Variants in IFI44 observed in about 807,000 individuals in gnomAD.
IFI44 encodes the protein interferon induced protein 44.
In IFI44, 42 loss-of-function variants were observed where a neutral mutation model predicts 45.0. The ratio of observed to expected loss-of-function variants is 0.93; its 90% CI spans 0.73 to 1.21. The LOEUF is 1.21. Ranked by LOEUF, IFI44 falls within the 50% of genes most tolerant of loss-of-function variation. IFI44 has a pLI of 0.00. For missense variants in IFI44, 623 were observed against 525.8 expected (o/e 1.18, Z -1.81); for synonymous variants, 221 against 188.6 (o/e 1.17, Z -1.41).
chr1:78,655,035 T>G lies in IFI44; in HGVS notation c.516T>G (p.Ser172=). 6.2e-7 allele frequency: 1 copy of G among 1,613,034 alleles called. No individual in the cohort carries two copies. Among genetic ancestry groups the G allele is most frequent in the African/African-American group, 1.3e-5 (1 of 75,018 alleles). ...ACAGGCTCAGGAAGAGCTTACTGTCTGCCTTGAGAACTTATGAACCATATG... is the reference window on the plus strand; with the variant it reads ...ACAGGCTCAGGAAGAGCTTACTGTCGGCCTTGAGAACTTATGAACCATATG... ...GVIELRKSLL[S]ALRTYEPYGS... The change falls in exon 4 of 9, where the codon TCT becomes TCG. Residue 172 remains serine, a synonymous_variant. Coordinates refer to ENST00000370747, the MANE Select transcript of IFI44 (RefSeq NM_006417.5).
chr1:78,659,903 A>T lies in IFI44; in HGVS notation c.1012+420A>T, dbSNP rs558045126. On this transcript the variant is annotated intron_variant, in intron 6 of 8. Transcript: ENST00000370747. ...CCGAAAGGAAAAGAAACAGGAAGGTAAGATGTTTGTAGGGAGAGGTAAAGA... is the reference window on the plus strand; with the variant it reads ...CCGAAAGGAAAAGAAACAGGAAGGTTAGATGTTTGTAGGGAGAGGTAAAGA... Among the ~76,000 whole-genome samples the T allele has an allele frequency of 1.4e-3, 209 of 152,310 alleles. 3 individuals are homozygous for T. The highest frequency in any genetic ancestry group is 4.8e-3 in the African/African-American group (199 of 41,572).
chr1:78,661,973 T>C lies in IFI44; in HGVS notation c.1114-731T>C, dbSNP rs545419601. 1.6e-3 allele frequency among the ~76,000 whole-genome samples: 243 copies of C among 152,318 alleles called. 1 individual carries two copies. Among genetic ancestry groups the C allele is most frequent in the African/African-American group, 5.7e-3 (235 of 41,566 alleles). On this transcript the variant is annotated intron_variant, in intron 7 of 8. Transcript: ENST00000370747. ...GGCAAGGAACATTTGCATGAAGTAA[T>C]TTTATTTAATTAGGAGCATTATGAG...
In IFI44 at chr1:78,662,768, C is replaced by A. The variant is rs1264315115; in HGVS notation, c.1178C>A (p.Ser393Tyr). 3 of 1,566,556 alleles carry A rather than the reference C, an allele frequency of 1.9e-6. No individual in the cohort carries two copies. Among genetic ancestry groups the A allele is most frequent in the Non-Finnish European group, 8.7e-7 (1 of 1,155,344 alleles). ...GACATCTCGGTGGTTAGCAATTATTCCTCTGAGTGGGAGCTGGACCCTGTA... is the reference window on the plus strand; with the variant it reads ...GACATCTCGGTGGTTAGCAATTATTACTCTGAGTGGGAGCTGGACCCTGTA... ...LSDISVVSNY[S>Y]SEWELDPVKD... The change falls in exon 8 of 9, where the codon TCC becomes TAC. Residue 393 changes from serine to tyrosine, a missense_variant. Transcript: ENST00000370747.
Position 78,650,493 on chromosome 1 carries a change from C to G in IFI44, c.298C>G (p.Leu100Val), listed in dbSNP as rs1310122126. Reference sequence around the variant, plus strand: ...ACTAGGACTATGTACACCAGAAACACTGTTTTGTTGTGATGTTACAAAATA... The same window carrying G: ...ACTAGGACTATGTACACCAGAAACAGTGTTTTGTTGTGATGTTACAAAATA... Reference protein sequence around the residue: ...WKLGLCTPETLFCCDVTKYNS... With the variant: ...WKLGLCTPETVFCCDVTKYNS... The change falls in exon 2 of 9, where the codon CTG becomes GTG. Residue 100 changes from leucine to valine, a missense_variant. Physicochemically the swap from Leu to Val is conservative, Grantham distance 32. Coordinates refer to ENST00000370747, the MANE Select transcript of IFI44 (RefSeq NM_006417.5). 1.2e-6 allele frequency: 2 copies of G among 1,613,868 alleles called. No individual in the cohort carries two copies. The highest frequency in any genetic ancestry group is 1.7e-6 in the Non-Finnish European group (2 of 1,179,898).
intron 4 of IFI44, 65 bp from the exon 5 acceptor site, chr1:78,655,297 T>C (rs1045091359): frequency 3.2e-6 from 5 of 1,560,844 alleles, no homozygotes; most frequent in Non-Finnish European, 4.3e-6. Context: ...CTTTATTACA[T>C]ATAGACTTCA....
chr1:78,649,998 T>G lies in IFI44; in HGVS notation c.-11+93T>G, dbSNP rs111510713. The G allele has an allele frequency of 9.3e-4, 408 of 440,622 alleles. 12 individuals carry two copies. The South Asian group carries it at 0.012, about 13-fold the overall frequency. 27.3% of individuals were successfully genotyped at this position (440,622 alleles called of 1,614,324 possible). ...AGTGTCACTTGCCAATCTCAGTTTTTGTTTTAATTTAAAAAACAATAATTT... is the reference window on the plus strand; with the variant it reads ...AGTGTCACTTGCCAATCTCAGTTTTGGTTTTAATTTAAAAAACAATAATTT... On this transcript the variant is annotated intron_variant, in intron 1 of 8. Coordinates refer to ENST00000370747, the MANE Select transcript of IFI44 (RefSeq NM_006417.5).
In IFI44 at chr1:78,663,948, A is replaced by C. The variant is rs916990178; in HGVS notation, c.*137A>C. 1 of 612,570 alleles carries C rather than the reference A, an allele frequency of 1.6e-6. No individual in the cohort carries two copies. Among genetic ancestry groups the C allele is most frequent in the South Asian group, 2.8e-5 (1 of 35,596 alleles). 37.9% of individuals were successfully genotyped at this position (612,570 alleles called of 1,614,324 possible). Reference sequence around the variant, plus strand: ...ATGTCTAGGATGAAGAAATGCATAGAACATTGTAGTACTTGTAAATAACTA... The same window carrying C: ...ATGTCTAGGATGAAGAAATGCATAGCACATTGTAGTACTTGTAAATAACTA... On this transcript the variant is annotated 3_prime_UTR_variant, in exon 9 of 9. Coordinates refer to ENST00000370747, the MANE Select transcript of IFI44 (RefSeq NM_006417.5).
At chr1:78,652,236 C>A (rs913544809) in intron 2 of IFI44, among the ~76,000 whole-genome samples, 4 of 152,140 alleles carry the variant, frequency 2.6e-5, no homozygotes, top group African/African-American at 9.7e-5. Context: ...CGGACACCAC[C>A]ATCCCCGGCT....
chr1:78,650,618 C>T lies in IFI44; in HGVS notation c.423C>T (p.Ile141=), dbSNP rs760271179. ...TTGGACTTGCTCAAAATTGTACTAT[C>T]TCTATTCAGGATTATGAAGTTTTTC... ...ENLGLAQNCT[I]SIQDYEVFRC... is the part of the protein sequence containing the mutation. Residue 141 remains isoleucine, a synonymous_variant, in exon 2 of 9, where the codon ATC becomes ATT. Coordinates refer to ENST00000370747, the MANE Select transcript of IFI44 (RefSeq NM_006417.5). The T allele has an allele frequency of 2.5e-6, 4 of 1,604,956 alleles. No homozygotes were observed. In the Admixed American group the frequency reaches 6.8e-5, roughly 27 times the overall value.
intron 7 of IFI44, chr1:78,660,857 A>G (rs1366070301): frequency 2.0e-5 from 11 of 553,804 alleles, no homozygotes; most frequent in Non-Finnish European, 3.6e-5. Context: ...AGGACTTTGC[A>G]TTGTTACCAA....
At chr1:78,656,761 A>T (rs1290803701) in intron 5 of IFI44, among the ~76,000 whole-genome samples, 1 of 148,596 alleles carries the variant, frequency 6.7e-6, no homozygotes, top group Non-Finnish European at 1.5e-5. Context: ...ACATCTTTAC[A>T]TATCTCGTGT....
rs140095913 is a variant in IFI44, at chr1:78,658,581, T to A, written c.841-731T>A. Among the ~76,000 whole-genome samples the A allele has an allele frequency of 2.6e-3, 397 of 152,250 alleles. 2 individuals carry two copies. Among genetic ancestry groups the A allele is most frequent in the African/African-American group, 8.7e-3 (363 of 41,580 alleles). On this transcript the variant is annotated intron_variant, in intron 5 of 8. Transcript: ENST00000370747. ...GTTTAGCATTTATGTGGTTCAAAGATCAAATCTACAAAATAATGTATAGTC... is the reference window on the plus strand; with the variant it reads ...GTTTAGCATTTATGTGGTTCAAAGAACAAATCTACAAAATAATGTATAGTC...
At chr1:78,654,345 T>A in intron 3 of IFI44, 66 bp downstream of exon 3, 1 of 837,966 alleles carries the variant, frequency 1.2e-6, no homozygotes, top group Non-Finnish European at 2.0e-6. Context: ...ATGATAGGTC[T>A]CATCAATATA....
chr1:78,655,699 C>CT (rs759969557), intron 5 of IFI44, among the ~76,000 whole-genome samples, 188 bp downstream of exon 5: 11 of 152,194 alleles, frequency 7.2e-5, no homozygotes, highest in Admixed American at 1.3e-4. Context: ...AGCTACTCCA[C>CT]TTTCTATTGC....
intron 2 of IFI44, among the ~76,000 whole-genome samples, chr1:78,652,177 G>T (rs1011384788): frequency 1.5e-4 from 23 of 152,108 alleles, no homozygotes; most frequent in African/African-American, 5.1e-4. Flanking sequence ...CGCCCCGCGG[G>T]ATCAAGTAAT....
At position 78,655,198 on chromosome 1, in the gene IFI44, A is replaced by G; in HGVS notation, c.679A>G (p.Ile227Val). 2 of 1,613,290 alleles carry G rather than the reference A, an allele frequency of 1.2e-6. No homozygotes were observed. Among genetic ancestry groups the G allele is most frequent in the Non-Finnish European group, 1.7e-6 (2 of 1,179,562 alleles). ...QALVGTNTTG[I>V]SEKYRTYSIR... ...TTTGGTGGGCACTAATACAACTGGG[A>G]TATCTGAGAAGGTAAGCACATTTGA... Residue 227 changes from isoleucine (I) to valine (V), a missense_variant, in exon 4 of 9, where the codon ATA becomes GTA. Ile to Val is a conservative substitution (Grantham distance 29). Transcript: ENST00000370747.
chr1:78,650,610 T>G lies in IFI44; in HGVS notation c.415T>G (p.Cys139Gly). The G allele has an allele frequency of 1.9e-6, 3 of 1,608,818 alleles. No homozygotes were observed. The highest frequency in any genetic ancestry group is 2.5e-6 in the Non-Finnish European group (3 of 1,177,968). Reference sequence around the variant, plus strand: ...GGAAAATCTTGGACTTGCTCAAAATTGTACTATCTCTATTCAGGATTATGA... The same window carrying G: ...GGAAAATCTTGGACTTGCTCAAAATGGTACTATCTCTATTCAGGATTATGA... ...TMENLGLAQN[C>G]TISIQDYEVF... is the part of the protein sequence containing the mutation. Residue 139 changes from cysteine to glycine, a missense_variant, in exon 2 of 9, where the codon TGT (cysteine) becomes GGT (glycine). Transcript: ENST00000370747.
At position 78,659,357 on chromosome 1, in the gene IFI44, G is replaced by C. The variant is rs144437299; in HGVS notation, c.886G>C (p.Asp296His). 51 of 1,613,228 alleles carry C rather than the reference G, an allele frequency of 3.2e-5. No homozygotes were observed. Among genetic ancestry groups the C allele is most frequent in the Middle Eastern group, 1.6e-4 (1 of 6,072 alleles). Residue 296 changes from aspartate (D) to histidine (H), a missense_variant, in exon 6 of 9, where the codon GAT (aspartate) becomes CAT (histidine). Coordinates refer to ENST00000370747, the MANE Select transcript of IFI44 (RefSeq NM_006417.5). ...CAAATTAAATCATCATGACTACATT[G>C]ATTCCCCATCGCTGAAGGACAGAAT... ...SIKLNHHDYI[D>H]SPSLKDRIHC...
At chr1:78,660,224 C>G (rs932699544) in intron 6 of IFI44, among the ~76,000 whole-genome samples, 2 of 152,118 alleles carry the variant, frequency 1.3e-5, no homozygotes, top group Non-Finnish European at 2.9e-5. Flanking sequence ...GGTCTTTAGT[C>G]TCTGTCAAAA....
Sources: allele counts gnomAD v4.1 joint callset (sites outside exome capture counted in the v4.1 genomes callset), GRCh38; gene constraint gnomAD v4.1.1; transcripts MANE v1.5; gene names NCBI Gene and HGNC (gene_info 2026-07-23, HGNC 2026-07-21).